Variants in TNRC6B observed in about 807,000 individuals in gnomAD.
The protein encoded by TNRC6B is trinucleotide repeat containing adaptor 6B, also known as trinucleotide repeat-containing gene 6B protein.
In TNRC6B, 52 loss-of-function variants were observed where a neutral mutation model predicts 203.6. The observed-to-expected ratio is 0.26, with a 90% CI of 0.20 to 0.32. The LOEUF (loss-of-function observed/expected upper bound fraction) is 0.32. Ranked by LOEUF, TNRC6B falls within the 10% of genes least tolerant of loss-of-function variation. The pLI is 1.00. For missense variants in TNRC6B, 1,923 were observed against 2,286.2 expected (o/e 0.84, Z 3.24); for synonymous variants, 838 against 845.7 (o/e 0.99, Z 0.16).
chr22:40,270,936 G>A (rs1471805939), intron 6 of TNRC6B, among the ~76,000 whole-genome samples: 1 of 152,182 alleles, frequency 6.6e-6, no homozygotes, highest in East Asian at 1.9e-4. Flanking sequence ...TAAAACAAGA[G>A]TTCCTGGCTT....
At chr22:40,262,406 A>C (rs1014266663) in intron 4 of TNRC6B, among the ~76,000 whole-genome samples, 1 of 152,006 alleles carries the variant, frequency 6.6e-6, no homozygotes, top group Non-Finnish European at 1.5e-5. Context: ...GCTGTTGCTT[A>C]TTATTTTGGG....
chr22:40,309,813 T>A (rs1441365283), intron 16 of TNRC6B, among the ~76,000 whole-genome samples: 1 of 152,216 alleles, frequency 6.6e-6, no homozygotes, highest in Admixed American at 6.5e-5. Context: ...TTCCACTGCT[T>A]CACCATAATG....
intron 1 of TNRC6B, among the ~76,000 whole-genome samples, chr22:40,194,258 G>C (rs1000606582): frequency 1.3e-5 from 2 of 152,218 alleles, no homozygotes; most frequent in African/African-American, 4.8e-5. Context: ...ACCCCGGGCA[G>C]AGCATTCCTG....
intron 1 of TNRC6B, among the ~76,000 whole-genome samples, chr22:40,100,179 C>T (rs1283700953): frequency 2.6e-5 from 4 of 151,772 alleles, no homozygotes; most frequent in Non-Finnish European, 2.9e-5. Flanking sequence ...CTCCACCTTC[C>T]AGGTTCAAAT....
intron 1 of TNRC6B, among the ~76,000 whole-genome samples, chr22:40,206,723 G>A (rs1384513525): frequency 1.3e-5 from 2 of 150,914 alleles, no homozygotes; most frequent in African/African-American, 2.4e-5. Flanking sequence ...GGGTCAGCGC[G>A]TAAGTGGGAA....
At position 40,186,353 on chromosome 22, in the gene TNRC6B, T is replaced by C. The variant is rs906996385; in HGVS notation, c.5+8213T>C. ...CTGGTGTTGGGAGGTGTTCCAGTGT[T>C]GGTATGGGAATCATTCGATGGCGCC... On this transcript the variant is annotated intron_variant, in intron 1 of 22. Transcript: ENST00000454349. Among the ~76,000 whole-genome samples, 6 of 152,190 alleles carry C rather than the reference T, an allele frequency of 3.9e-5. No individual in the cohort carries two copies. The South Asian group carries it at 1.0e-3, about 26-fold the overall frequency.
chr22:40,313,415 A>AG (rs1429648196), intron 19 of TNRC6B, among the ~76,000 whole-genome samples: 1 of 152,126 alleles, frequency 6.6e-6, no homozygotes, highest in Non-Finnish European at 1.5e-5. Context: ...ACAAAGGCTA[A>AG]GGGCAGATGG....
intron 1 of TNRC6B, among the ~76,000 whole-genome samples, chr22:40,053,982 T>G (rs1309754730): frequency 1.1e-4 from 16 of 152,178 alleles, no homozygotes; most frequent in Admixed American, 7.2e-4. Flanking sequence ...TTTGGGAAGC[T>G]GAGGTGGGTG....
At chr22:40,052,750 G>A (rs1038486599) in intron 1 of TNRC6B, among the ~76,000 whole-genome samples, 1 of 152,084 alleles carries the variant, frequency 6.6e-6, no homozygotes, top group Non-Finnish European at 1.5e-5. Context: ...TGTCTGGCCT[G>A]TGTATTGTTG....
Position 40,262,076 on chromosome 22 carries a change from TG to T in TNRC6B, c.364del (p.Ala122GlnfsTer18). The T allele has an allele frequency of 6.3e-7, 1 of 1,577,600 alleles. No individual in the cohort carries two copies. Among genetic ancestry groups the T allele is most frequent in the Non-Finnish European group, 8.7e-7 (1 of 1,154,212 alleles). ...CACCGTCCTGCATGCTCCTTGGGGG[TG>T]GGGCAGGGCCTCCTCCCTGCACAGC... ...PPPSCMLLGG[G>X]AGPPPCTAPG... On this transcript the variant is annotated frameshift_variant, in exon 4 of 23. Transcript: ENST00000454349. LOFTEE classifies it high-confidence loss of function.
intron 5 of TNRC6B, among the ~76,000 whole-genome samples, chr22:40,269,690 G>A (rs1473642113): frequency 1.3e-5 from 2 of 151,864 alleles, no homozygotes; most frequent in Non-Finnish European, 2.9e-5. Context: ...AAGCCAGCCT[G>A]GCCAATGTGG....
rs2070315358 is a variant in TNRC6B, at chr22:40,258,251, GAGAC to G, written c.116-3578_116-3575del. On this transcript the variant is annotated intron_variant, in intron 3 of 22. Transcript: ENST00000454349. ...TTACAAATCCTTAAGATTCAGAAAA[GAGAC>G]AGCCTGAAAAGTAACATATTCAGAC... Among the ~76,000 whole-genome samples the G allele has an allele frequency of 5.9e-5, 9 of 151,984 alleles. No individual in the cohort carries two copies. The Middle Eastern group carries it at 0.024, about 405-fold the overall frequency.
intron 2 of TNRC6B, among the ~76,000 whole-genome samples, chr22:40,248,077 G>GAAA (rs754161621): frequency 1.5e-5 from 2 of 132,034 alleles, no homozygotes; most frequent in Non-Finnish European, 3.3e-5. Context: ...CTTGTGTCTA[G>GAAA]AAAAAAAAAA....
At chr22:40,209,628 G>A (rs1213574818) in intron 1 of TNRC6B, among the ~76,000 whole-genome samples, 1 of 152,214 alleles carries the variant, frequency 6.6e-6, no homozygotes, top group African/African-American at 2.4e-5. Flanking sequence ...CCCTGCTGCA[G>A]TCACTAGTTG....
At chr22:40,212,288 C>T (rs1403950792) in intron 1 of TNRC6B, among the ~76,000 whole-genome samples, 1 of 152,200 alleles carries the variant, frequency 6.6e-6, no homozygotes, top group Non-Finnish European at 1.5e-5. Context: ...TGACCTTGGA[C>T]CCTGTCAGAC....
intron 1 of TNRC6B, among the ~76,000 whole-genome samples, chr22:40,116,254 C>T (rs2068387024): frequency 6.6e-6 from 1 of 151,666 alleles, no homozygotes; most frequent in Admixed American, 6.6e-5. Flanking sequence ...GATGCTGGTC[C>T]CAGATGAGCC....
At chr22:40,149,989 G>C (rs1038872036) in intron 3 of TNRC6B, among the ~76,000 whole-genome samples, 1 of 78,522 alleles carries the variant, frequency 1.3e-5, no homozygotes, top group Non-Finnish European at 2.3e-5. Flanking sequence ...TAAAATGAAA[G>C]CCAACAAAAA....
At chr22:40,058,124 T>C (rs954575627) in intron 1 of TNRC6B, among the ~76,000 whole-genome samples, 1 of 152,234 alleles carries the variant, frequency 6.6e-6, no homozygotes, top group South Asian at 2.1e-4. Flanking sequence ...GCTTAAACCA[T>C]GCAGGTGGGT....
chr22:40,248,235 C>T (rs996388768), intron 2 of TNRC6B, among the ~76,000 whole-genome samples: 7 of 152,306 alleles, frequency 4.6e-5, no homozygotes, highest in Non-Finnish European at 8.8e-5. Flanking sequence ...GGGTTCTTGT[C>T]GCCGTGCCTC....
Sources: allele counts gnomAD v4.1 joint callset (sites outside exome capture counted in the v4.1 genomes callset), GRCh38; gene constraint gnomAD v4.1.1; transcripts MANE v1.5; gene names NCBI Gene and HGNC (gene_info 2026-07-23, HGNC 2026-07-21).